The following VPS53 variants were observed in gnomAD, a reference collection of about 807,000 sequenced individuals.
VPS53 encodes the protein VPS53 subunit of GARP complex.
In VPS53, 70 loss-of-function variants were observed where a neutral mutation model predicts 107.0. The ratio of observed to expected loss-of-function variants is 0.65; its 90% CI spans 0.54 to 0.80. VPS53 has a LOEUF of 0.80. Among genes scored for constraint, VPS53 ranks in the 30% least tolerant of loss-of-function variants. The pLI is 0.00. For synonymous variants in VPS53, 409 were observed against 393.3 expected, an observed-to-expected ratio of 1.04 and a Z score of -0.47; for missense variants, 917 against 1,049.4, an observed-to-expected ratio of 0.87 and a Z score of 1.74.
intron 7 of VPS53, among the ~76,000 whole-genome samples, chr17:635,096 T>C (rs575019605): frequency 6.6e-6 from 1 of 152,338 alleles, no homozygotes; most frequent in East Asian, 1.9e-4. Context: ...TTCTAACTGG[T>C]GTGAGATGGT....
chr17:563,171 T>C (rs934106405), intron 13 of VPS53, among the ~76,000 whole-genome samples: 3 of 152,176 alleles, frequency 2.0e-5, no homozygotes, highest in East Asian at 3.8e-4. Context: ...ATATTAGTAC[T>C]GTTTACCCCT....
chr17:676,856 T>C (rs868719999), intron 4 of VPS53, among the ~76,000 whole-genome samples: 2 of 151,910 alleles, frequency 1.3e-5, no homozygotes, highest in African/African-American at 4.8e-5. Context: ...TTTTTTTTTT[T>C]TGTGGGAGAG....
At chr17:696,766 A>G (rs530606038) in intron 4 of VPS53, among the ~76,000 whole-genome samples, 1 of 150,300 alleles carries the variant, frequency 6.7e-6, no homozygotes, top group African/African-American at 2.4e-5. Flanking sequence ...GGCCTCCTTA[A>G]CTAGATCCAA....
chr17:546,870 CTTTTTTTTT>C (rs60940748), intron 17 of VPS53, among the ~76,000 whole-genome samples: 1 of 83,334 alleles, frequency 1.2e-5, no homozygotes, highest in Non-Finnish European at 2.2e-5. Flanking sequence ...CCCTTAGATC[CTTTTTTTTT>C]TTTTTTTTTT....
chr17:713,057 G>C (rs1037106562), intron 1 of VPS53, among the ~76,000 whole-genome samples: 1 of 152,058 alleles, frequency 6.6e-6, no homozygotes, highest in Non-Finnish European at 1.5e-5. Context: ...AACACACATC[G>C]AAGCGTCAAT....
At chr17:642,774 A>G (rs1970483810) in intron 7 of VPS53, among the ~76,000 whole-genome samples, 2 of 151,450 alleles carry the variant, frequency 1.3e-5, no homozygotes, top group Non-Finnish European at 2.9e-5. Context: ...AAGCGAGGAC[A>G]ACACTCATAC....
chr17:558,615 C>G (rs917039144), intron 15 of VPS53, among the ~76,000 whole-genome samples: 2 of 151,832 alleles, frequency 1.3e-5, no homozygotes, highest in African/African-American at 4.8e-5. Context: ...GCCTGGGTGA[C>G]AGAGAGAGAC....
chr17:713,716 A>G (rs911347986), intron 1 of VPS53, among the ~76,000 whole-genome samples: 4 of 151,722 alleles, frequency 2.6e-5, no homozygotes, highest in Admixed American at 6.6e-5. Context: ...ATTAGCCTTA[A>G]AAACTCAATA....
intron 7 of VPS53, among the ~76,000 whole-genome samples, chr17:649,693 G>A (rs957801315): frequency 1.3e-5 from 2 of 151,974 alleles, no homozygotes; most frequent in African/African-American, 4.8e-5. Context: ...CTGGAGGACA[G>A]AGGAATGGAA....
rs573758679 is a variant in VPS53 at position 608,992 on chromosome 17, T to C, written c.1117-7096A>G. 1.2e-4 allele frequency among the ~76,000 whole-genome samples: 19 copies of C among 152,276 alleles called. No individual in the cohort carries two copies. The East Asian group carries it at 2.7e-3, about 22-fold the overall frequency. On this transcript the variant is annotated intron_variant, in intron 11 of 21. Transcript: ENST00000437048. ...ATAACTAAACTCATACACTATCTTC[T>C]AAAGCCTTTAATTCTAAATTGTGAT...
At chr17:642,951 AG>A (rs1970496983) in intron 7 of VPS53, among the ~76,000 whole-genome samples, 1 of 109,530 alleles carries the variant, frequency 9.1e-6, no homozygotes. Context: ...TTGGCAACCG[AG>A]GACAACTCTC....
intron 7 of VPS53, among the ~76,000 whole-genome samples, chr17:635,590 G>C (rs1359118262): frequency 6.6e-6 from 1 of 152,158 alleles, no homozygotes; most frequent in Non-Finnish European, 1.5e-5. Flanking sequence ...GTAAGGAAGG[G>C]ATCCAGTTTC....
chr17:592,140 G>A (rs1474492682), intron 12 of VPS53, among the ~76,000 whole-genome samples: 1 of 152,220 alleles, frequency 6.6e-6, no homozygotes, highest in Non-Finnish European at 1.5e-5. Flanking sequence ...TTACCATTAA[G>A]TAATGGCCTT....
intron 15 of VPS53, among the ~76,000 whole-genome samples, chr17:558,587 T>C (rs1912656744): frequency 6.6e-6 from 1 of 151,944 alleles, no homozygotes; most frequent in Admixed American, 6.6e-5. Flanking sequence ...TGAGCCGAGA[T>C]CGTGCCACTG....
chr17:563,041 T>C (rs1440235879), intron 13 of VPS53, among the ~76,000 whole-genome samples: 1 of 152,126 alleles, frequency 6.6e-6, no homozygotes, highest in Admixed American at 6.5e-5. Context: ...GTAAGCAAGA[T>C]AGGGTATTAC....
intron 4 of VPS53, among the ~76,000 whole-genome samples, chr17:663,657 A>G (rs1022154601): frequency 2.0e-5 from 3 of 152,244 alleles, no homozygotes; most frequent in African/African-American, 7.2e-5. Context: ...TATAGACCAC[A>G]TGCACTGGAC....
At chr17:540,196 AT>A (rs202148052) in intron 17 of VPS53, among the ~76,000 whole-genome samples, 1 of 150,164 alleles carries the variant, frequency 6.7e-6, no homozygotes, top group Non-Finnish European at 1.5e-5. Context: ...TTTATTTTTC[AT>A]TTTTTTTTGA....
At chr17:672,838 C>A (rs576694483) in intron 4 of VPS53, among the ~76,000 whole-genome samples, 3 of 152,004 alleles carry the variant, frequency 2.0e-5, no homozygotes, top group African/African-American at 7.2e-5. Flanking sequence ...AGCGGCCGGG[C>A]GCAGTGGCTC....
intron 13 of VPS53, among the ~76,000 whole-genome samples, chr17:574,153 G>A (rs1185691270): frequency 6.6e-6 from 1 of 152,126 alleles, no homozygotes; most frequent in Non-Finnish European, 1.5e-5. Context: ...TCTACTTTGA[G>A]TTACAGTGTT....
Sources: gnomAD v4.1 joint callset for allele counts (sites outside exome capture counted in the v4.1 genomes callset) on GRCh38, gnomAD v4.1.1 for gene constraint, MANE v1.5 for transcripts, NCBI Gene and HGNC (gene_info 2026-07-23, HGNC 2026-07-21) for gene names.